NIBAN1: variants seen among roughly 807,000 people sequenced by gnomAD.
The protein encoded by NIBAN1 is protein Niban 1.
NIBAN1 carries 81 observed loss-of-function variants against 75.1 expected under a neutral mutation model. The observed-to-expected ratio is 1.08, with a 90% CI of 0.90 to 1.30. The LOEUF is 1.30. NIBAN1 is among the 50% of genes most tolerant of loss of function. The pLI is 0.00. For synonymous variants in NIBAN1, 436 were observed against 424.8 expected, an observed-to-expected ratio of 1.03 and a Z score of -0.32; for missense variants, 1,133 against 1,128.1, an observed-to-expected ratio of 1.00 and a Z score of -0.06.
chr1:184,803,298 G>T (rs1414834055), intron 12 of NIBAN1, among the ~76,000 whole-genome samples: 1 of 152,180 alleles, frequency 6.6e-6, no homozygotes, highest in Non-Finnish European at 1.5e-5. Flanking sequence ...TTGAGATTTT[G>T]TCTAGTCCAG....
At position 184,930,983 on chromosome 1, in the gene NIBAN1, C is replaced by A. The variant is rs1186405336; in HGVS notation, c.56-31674G>T. Among the ~76,000 whole-genome samples, 3 of 145,810 alleles carry A rather than the reference C, an allele frequency of 2.1e-5. No homozygotes were observed. The East Asian group carries it at 6.0e-4, about 29-fold the overall frequency. On this transcript the variant is annotated intron_variant, in intron 1 of 13. Coordinates refer to ENST00000367511, the MANE Select transcript of NIBAN1 (RefSeq NM_052966.4). ...GAGCGTGTTTCATTGTTTCTAAGTG[C>A]ACTTTTTCTTCTTCTTTTTTTTTTT...
At chr1:184,943,805 A>C (rs779772287) in intron 1 of NIBAN1, among the ~76,000 whole-genome samples, 4 of 152,198 alleles carry the variant, frequency 2.6e-5, no homozygotes, top group Non-Finnish European at 5.9e-5. Flanking sequence ...TAACTTAAAA[A>C]TCTTTATTAA....
intron 10 of NIBAN1, among the ~76,000 whole-genome samples, chr1:184,806,419 G>C (rs374786922): frequency 6.6e-6 from 1 of 152,234 alleles, no homozygotes; most frequent in South Asian, 2.1e-4. Flanking sequence ...GATGTAAACC[G>C]CTCCACAGCT....
intron 5 of NIBAN1, among the ~76,000 whole-genome samples, chr1:184,869,293 T>A (rs955482327): frequency 6.6e-6 from 1 of 152,104 alleles, no homozygotes. Flanking sequence ...CGGTACAGCT[T>A]ACCAGAGTGA....
At chr1:184,938,766 T>C (rs940094717) in intron 1 of NIBAN1, among the ~76,000 whole-genome samples, 1 of 152,236 alleles carries the variant, frequency 6.6e-6, no homozygotes, top group African/African-American at 2.4e-5. Flanking sequence ...ATGCCAAATA[T>C]AAATACAATT....
At chr1:184,805,438 G>C (rs1040390615) in intron 11 of NIBAN1, among the ~76,000 whole-genome samples, 1 of 152,142 alleles carries the variant, frequency 6.6e-6, no homozygotes, top group Non-Finnish European at 1.5e-5. Context: ...ATATGTGAAA[G>C]CTCCTATTAT....
At chr1:184,872,223 C>A (rs929257381) in intron 5 of NIBAN1, among the ~76,000 whole-genome samples, 2 of 150,460 alleles carry the variant, frequency 1.3e-5, no homozygotes, top group Admixed American at 6.6e-5. Flanking sequence ...TTTAAATGAC[C>A]AGATTAGAAA....
intron 1 of NIBAN1, among the ~76,000 whole-genome samples, chr1:184,900,790 C>T (rs1435849423): frequency 1.3e-5 from 2 of 152,218 alleles, no homozygotes; most frequent in Non-Finnish European, 1.5e-5. Flanking sequence ...ACAGGCTTCA[C>T]TGATTGTGCT....
chr1:184,891,149 C>T (rs1185244948), intron 3 of NIBAN1, among the ~76,000 whole-genome samples: 1 of 152,146 alleles, frequency 6.6e-6, no homozygotes, highest in African/African-American at 2.4e-5. Flanking sequence ...AACAAACTCT[C>T]AGATATCTAA....
rs1655008357 is a variant in NIBAN1, at chr1:184,831,875, C to T, written c.689G>A (p.Trp230Ter). 2 of 1,614,020 alleles carry T rather than the reference C, an allele frequency of 1.2e-6. No individual in the cohort carries two copies. Among genetic ancestry groups the T allele is most frequent in the Non-Finnish European group, 1.7e-6 (2 of 1,179,996 alleles). Reference sequence around the variant, plus strand: ...GATTTCATCCCCAGTGATCATTTCCCAGGAACCATAGTGACCCTTCTCCTG... The same window carrying T: ...GATTTCATCCCCAGTGATCATTTCCTAGGAACCATAGTGACCCTTCTCCTG... ...FRQEKGHYGS[W>*]EMITGDEIQI... Residue 230 changes from tryptophan (W) to a stop codon, truncating the protein, a stop_gained, in exon 6 of 14, where the codon TGG becomes TAG. Transcript: ENST00000367511. LOFTEE classifies it high-confidence loss of function.
chr1:184,897,161 T>G (rs569301775), intron 2 of NIBAN1, among the ~76,000 whole-genome samples: 2 of 152,236 alleles, frequency 1.3e-5, no homozygotes, highest in Admixed American at 1.3e-4. Context: ...TAGTGATTTT[T>G]CCAATCTGTG....
rs1654750742 is a variant in NIBAN1, at chr1:184,823,203, C to T, written c.949G>A (p.Val317Met). 6.2e-7 allele frequency: 1 copy of T among 1,614,090 alleles called. No individual in the cohort carries two copies. ...CCAATTAAATAGTTCTTTGAGTTCA[C>T]AATCTGATCCATGTCAGAACGGATC... is the stretch of plus-strand genomic sequence containing the variant. The part of the protein sequence containing the change: ...GTIRSDMDQI[V>M]NSKNYLIGKI... The change falls in exon 8 of 14, where the codon GTG becomes ATG. Residue 317 changes from valine to methionine, a missense_variant. Physicochemically the swap from Val to Met is conservative, Grantham distance 21 (BLOSUM62 1). Transcript: ENST00000367511.
chr1:184,808,057 G>A lies in NIBAN1; in HGVS notation c.1335+17C>T, dbSNP rs1310932314. 6.2e-7 allele frequency: 1 copy of A among 1,613,122 alleles called. No homozygotes were observed. Among genetic ancestry groups the A allele is most frequent in the Non-Finnish European group, 8.5e-7 (1 of 1,179,474 alleles). ...CTCTTTACCCTCATCCACCACGGAT[G>A]CCCCTGCCACACCCACCTCCTGCAT... On this transcript the variant is annotated intron_variant, in intron 10 of 13. Transcript: ENST00000367511.
chr1:184,881,395 C>A (rs561465523), intron 5 of NIBAN1, among the ~76,000 whole-genome samples: 3 of 152,116 alleles, frequency 2.0e-5, no homozygotes, highest in Non-Finnish European at 4.4e-5. Flanking sequence ...ACACTTCTGG[C>A]GCAAGTGGGC....
chr1:184,855,066 G>A (rs1655639509), intron 5 of NIBAN1, among the ~76,000 whole-genome samples: 1 of 152,120 alleles, frequency 6.6e-6, no homozygotes, highest in Admixed American at 6.6e-5. Context: ...GATCCTAATT[G>A]CATTTTGTGA....
At chr1:184,944,235 A>G (rs1326287875) in intron 1 of NIBAN1, among the ~76,000 whole-genome samples, 1 of 152,202 alleles carries the variant, frequency 6.6e-6, no homozygotes, top group Admixed American at 6.5e-5. Flanking sequence ...CTTGTTGTCC[A>G]TCTTTCTGGT....
chr1:184,965,390 A>G (rs2102087301), intron 1 of NIBAN1, among the ~76,000 whole-genome samples: 1 of 152,214 alleles, frequency 6.6e-6, no homozygotes. Context: ...TCCAAGGTGT[A>G]TATGTACCAC....
chr1:184,948,406 T>A (rs929607485), intron 1 of NIBAN1, among the ~76,000 whole-genome samples: 1 of 152,204 alleles, frequency 6.6e-6, no homozygotes, highest in Non-Finnish European at 1.5e-5. Context: ...TCCAGACTAG[T>A]TACTGTGTTC....
At chr1:184,885,240 G>T (rs1469453037) in intron 4 of NIBAN1, among the ~76,000 whole-genome samples, 2 of 152,040 alleles carry the variant, frequency 1.3e-5, no homozygotes, top group Non-Finnish European at 2.9e-5. Context: ...GTAGAGACAG[G>T]GTTTCACCTT....
Sources: allele counts gnomAD v4.1 joint callset (sites outside exome capture counted in the v4.1 genomes callset), GRCh38; gene constraint gnomAD v4.1.1; transcripts MANE v1.5; gene names NCBI Gene and HGNC (gene_info 2026-07-23, HGNC 2026-07-21).